The following FOXE1 variants were observed in gnomAD, a reference collection of about 807,000 sequenced individuals.
FOXE1 encodes the protein forkhead box E1.
Under a neutral mutation model 2.1 loss-of-function variants are expected in FOXE1, and 4 were observed. The observed-to-expected ratio is 1.91, with a 90% CI of 0.94 to 4.37. The LOEUF (loss-of-function observed/expected upper bound fraction) is 4.37. Among genes scored for constraint, FOXE1 ranks in the 30% most tolerant of loss-of-function variants. The pLI is 0.01. For synonymous variants in FOXE1, 277 were observed against 272.4 expected (o/e 1.02, Z -0.17); for missense variants, 574 against 583.3 (o/e 0.98, Z 0.16).
At position 97,854,646 on chromosome 9, in the gene FOXE1, C is replaced by T. The variant is rs1397812544; in HGVS notation, c.732C>T (p.Gly244=). Reference sequence around the variant, plus strand: ...TGGGGCCCGCACCGTCGGGGCCCGGCGGCTCTTGCGCCTTTGCCTCCGCCG... The same window carrying T: ...TGGGGCCCGCACCGTCGGGGCCCGGTGGCTCTTGCGCCTTTGCCTCCGCCG... ...PELGPAPSGP[G]GSCAFASAGA... is the part of the protein sequence containing the mutation. The change falls in exon 1 of 1, where the codon GGC becomes GGT. Residue 244 remains glycine, a synonymous_variant. Coordinates refer to ENST00000375123, the MANE Select transcript of FOXE1 (RefSeq NM_004473.4). 43 of 1,395,014 alleles carry T rather than the reference C, an allele frequency of 3.1e-5. 1 individual carries two copies. The South Asian group carries it at 6.5e-4, about 21-fold the overall frequency. 86.4% of individuals were successfully genotyped at this position (1,395,014 alleles called of 1,614,324 possible).
chr9:97,853,943 C>G lies in FOXE1; in HGVS notation c.29C>G (p.Pro10Arg), dbSNP rs1418050237. 7 of 1,300,334 alleles carry G rather than the reference C, an allele frequency of 5.4e-6. No individual in the cohort carries two copies. The highest frequency in any genetic ancestry group is 6.8e-6 in the Non-Finnish European group (7 of 1,029,334). The allele number at this position is 1,300,334 out of a possible 1,614,324, so 80.5% of individuals were successfully genotyped here. MTAESGPPP[P>R]QPEVLATVKE... Reference sequence around the variant, plus strand: ...ACTGCCGAGAGCGGGCCGCCGCCGCCGCAGCCGGAGGTGCTGGCTACCGTG... The same window carrying G: ...ACTGCCGAGAGCGGGCCGCCGCCGCGGCAGCCGGAGGTGCTGGCTACCGTG... Residue 10 changes from proline to arginine, a missense_variant, in exon 1 of 1, where the codon CCG (proline) becomes CGG (arginine). Around this residue, in one of 3 missense-constraint regions of FOXE1, gnomAD observed 249 missense variants for 269.6 expected, o/e 0.92. Transcript: ENST00000375123.
rs777102416 is a variant in FOXE1, at chr9:97,854,958, G to A, written c.1044G>A (p.Gly348=). 1.2e-6 allele frequency: 2 copies of A among 1,603,852 alleles called. No individual in the cohort carries two copies. Among genetic ancestry groups the A allele is most frequent in the Admixed American group, 1.7e-5 (1 of 60,026 alleles). The change falls in exon 1 of 1, where the codon GGG becomes GGA. Residue 348 remains glycine (G), a synonymous_variant. Coordinates refer to ENST00000375123, the MANE Select transcript of FOXE1 (RefSeq NM_004473.4). Reference sequence around the variant, plus strand: ...ACAACCCTGGCGGGCAGCTCGGAGGGGCCAGTGCAGGCGCCTACCATGCTC... The same window carrying A: ...ACAACCCTGGCGGGCAGCTCGGAGGAGCCAGTGCAGGCGCCTACCATGCTC... ...ACYNPGGQLG[G]ASAGAYHARH...
rs377692338 is a variant in FOXE1, at chr9:97,854,795, G to C, written c.881G>C (p.Ser294Thr). 4 of 1,529,290 alleles carry C rather than the reference G, an allele frequency of 2.6e-6. No homozygotes were observed. The highest frequency in any genetic ancestry group is 2.4e-5 in the South Asian group (2 of 83,608). The allele number at this position is 1,529,290 out of a possible 1,614,324, so 94.7% of individuals were successfully genotyped here. ...GGCGCGTACCCGCAGGGCGCCGGCA[G>C]TGCGATCTTTGCCGCTGCTGGCCGC... Reference protein sequence around the residue: ...PDGAYPQGAGSAIFAAAGRLA... With the variant: ...PDGAYPQGAGTAIFAAAGRLA... Residue 294 changes from serine (S) to threonine (T), a missense_variant, in exon 1 of 1, where the codon AGT (serine) becomes ACT (threonine). By Grantham distance (58) the Ser-to-Thr change is moderately conservative (BLOSUM62 1). This residue lies in a region of FOXE1 where 316 missense variants were observed against 288.4 expected (regional missense o/e 1.10). Coordinates refer to ENST00000375123, the MANE Select transcript of FOXE1 (RefSeq NM_004473.4).
In FOXE1 at chr9:97,854,220, C is replaced by A. The variant is rs1475146140; in HGVS notation, c.306C>A (p.Arg102=). ...DNPKKWQNSI[R]HNLTLNDCFL... ...CCAAAAAGTGGCAGAACAGCATCCG[C>A]CACAACCTCACACTCAACGACTGCT... Residue 102 remains arginine, a synonymous_variant, in exon 1 of 1, where the codon CGC becomes CGA. Transcript: ENST00000375123. 1 of 1,613,278 alleles carries A rather than the reference C, an allele frequency of 6.2e-7. No homozygotes were observed. The highest frequency in any genetic ancestry group is 1.7e-5 in the Admixed American group (1 of 59,990).
Position 97,855,129 on chromosome 9 carries a change from G to A in FOXE1, c.*93G>A, listed in dbSNP as rs1830655109. 1.3e-6 allele frequency: 2 copies of A among 1,492,040 alleles called. No homozygotes were observed. The highest frequency in any genetic ancestry group is 2.4e-5 in the South Asian group (2 of 84,100). The allele number at this position is 1,492,040 out of a possible 1,614,324, so 92.4% of individuals were successfully genotyped here. On this transcript the variant is annotated 3_prime_UTR_variant, in exon 1 of 1. Transcript: ENST00000375123. ...ACAGGAATGGAGAGAGGACTCAACT[G>A]GGACCCACGTGGAAAAGACCGAGCA...
In FOXE1 at chr9:97,854,383, T is replaced by A. The variant is rs1449646770; in HGVS notation, c.469T>A (p.Tyr157Asn). ...KRFKRSDLST[Y>N]PAYMHDAAAA... ...CTTCAAGCGCTCGGACCTCTCCACC[T>A]ACCCGGCTTACATGCACGACGCGGC... The change falls in exon 1 of 1, where the codon TAC (tyrosine) becomes AAC (asparagine). Residue 157 changes from tyrosine (Y) to asparagine (N), a missense_variant. Physicochemically the swap from Tyr to Asn is moderately radical, Grantham distance 143 (BLOSUM62 -2). Transcript: ENST00000375123. 1 of 1,463,066 alleles carries A rather than the reference T, an allele frequency of 6.8e-7. No homozygotes were observed. The highest frequency in any genetic ancestry group is 1.3e-5 in the South Asian group (1 of 74,778). 90.6% of individuals were successfully genotyped at this position (1,463,066 alleles called of 1,614,324 possible).
At position 97,854,660 on chromosome 9, in the gene FOXE1, T is replaced by C; in HGVS notation, c.746T>C (p.Phe249Ser). The C allele has an allele frequency of 2.9e-6, 4 of 1,401,916 alleles. No individual in the cohort carries two copies. Among genetic ancestry groups the C allele is most frequent in the Non-Finnish European group, 3.7e-6 (4 of 1,086,944 alleles). The allele number at this position is 1,401,916 out of a possible 1,614,324, so 86.8% of individuals were successfully genotyped here. The change falls in exon 1 of 1, where the codon TTT (phenylalanine) becomes TCT (serine). Residue 249 changes from phenylalanine to serine, a missense_variant. By Grantham distance (155) the Phe-to-Ser change is radical. This residue lies in a region of FOXE1 where 316 missense variants were observed against 288.4 expected (regional missense o/e 1.10). Transcript: ENST00000375123. ...APSGPGGSCA[F>S]ASAGAPATTT... ...TCGGGGCCCGGCGGCTCTTGCGCCT[T>C]TGCCTCCGCCGGCGCCCCCGCTACC...
Position 97,855,391 on chromosome 9 carries a change from C to T in FOXE1, c.*355C>T, listed in dbSNP as rs947441170. The T allele has an allele frequency of 7.5e-6, 3 of 400,126 alleles. No individual in the cohort carries two copies. Among genetic ancestry groups the T allele is most frequent in the African/African-American group, 6.1e-5 (3 of 49,384 alleles). The allele number at this position is 400,126 out of a possible 1,614,324, so 24.8% of individuals were successfully genotyped here. A position where few individuals can be genotyped will look rare whatever the true frequency, so the allele number is the denominator to read the frequency against. On this transcript the variant is annotated 3_prime_UTR_variant, in exon 1 of 1. Coordinates refer to ENST00000375123, the MANE Select transcript of FOXE1 (RefSeq NM_004473.4). ...GATCCAAATTGTGGGGAATCAGTTT[C>T]AGCCTTCCATGTGCTGCCGGAACTC...
At position 97,854,297 on chromosome 9, in the gene FOXE1, C is replaced by T; in HGVS notation, c.383C>T (p.Ala128Val). The T allele has an allele frequency of 1.9e-6, 3 of 1,612,128 alleles. No homozygotes were observed. The highest frequency in any genetic ancestry group is 1.1e-5 in the South Asian group (1 of 90,956). The change falls in exon 1 of 1, where the codon GCG becomes GTG. Residue 128 changes from alanine (A) to valine (V), a missense_variant. Around this residue, in one of 3 missense-constraint regions of FOXE1, gnomAD observed 249 missense variants for 269.6 expected, o/e 0.92. Transcript: ENST00000375123. ...CGCCCGGGTAAGGGCAACTACTGGGCGCTTGACCCCAACGCGGAGGACATG... is the reference window on the plus strand; with the variant it reads ...CGCCCGGGTAAGGGCAACTACTGGGTGCTTGACCCCAACGCGGAGGACATG... ...AGRPGKGNYW[A>V]LDPNAEDMFE... is the part of the protein sequence containing the mutation.
chr9:97,856,463 G>T lies in FOXE1; in HGVS notation c.*1427G>T, dbSNP rs925666927. ...TTTGAGCAAGTGAGTTATGGCAAGA[G>T]AAACTCAGCCTCTTTCTGTATAAAC... On this transcript the variant is annotated 3_prime_UTR_variant, in exon 1 of 1. Coordinates refer to ENST00000375123, the MANE Select transcript of FOXE1 (RefSeq NM_004473.4). 4 of 167,114 alleles carry T rather than the reference G, an allele frequency of 2.4e-5. No individual in the cohort carries two copies. Among genetic ancestry groups the T allele is most frequent in the African/African-American group, 9.6e-5 (4 of 41,468 alleles). 10.4% of individuals were successfully genotyped at this position (167,114 alleles called of 1,614,324 possible).
chr9:97,855,842 G>A lies in FOXE1; in HGVS notation c.*806G>A, dbSNP rs941827449. 1 of 167,086 alleles carries A rather than the reference G, an allele frequency of 6.0e-6. No individual in the cohort carries two copies. The highest frequency in any genetic ancestry group is 1.5e-5 in the Non-Finnish European group (1 of 68,130). 10.4% of individuals were successfully genotyped at this position (167,086 alleles called of 1,614,324 possible). ...CCGCTGTTCTAGGGAACGGAAAAGA[G>A]TTCATGGCCAAGCGTCTAACCTAAA... On this transcript the variant is annotated 3_prime_UTR_variant, in exon 1 of 1. Transcript: ENST00000375123.
At position 97,853,903 on chromosome 9, in the gene FOXE1, G is replaced by C. The variant is rs2131485428; in HGVS notation, c.-12G>C. The C allele has an allele frequency of 7.8e-7, 1 of 1,274,548 alleles. No homozygotes were observed. The highest frequency in any genetic ancestry group is 3.2e-5 in the East Asian group (1 of 31,028). The allele number at this position is 1,274,548 out of a possible 1,614,324, so 79.0% of individuals were successfully genotyped here. The stretch of plus-strand genomic sequence containing the variant: ...GGGGATCCAGAGCCCGGGGGTGCGG[G>C]ACGCCCGCGCCATGACTGCCGAGAG... On this transcript the variant is annotated 5_prime_UTR_variant, in exon 1 of 1. Coordinates refer to ENST00000375123, the MANE Select transcript of FOXE1 (RefSeq NM_004473.4).
rs1301607688 is a variant in FOXE1, at chr9:97,856,582, A to G, written c.*1546A>G. 6.0e-6 allele frequency: 1 copy of G among 167,116 alleles called. No individual in the cohort carries two copies. The highest frequency in any genetic ancestry group is 2.4e-5 in the African/African-American group (1 of 41,470). 10.4% of individuals were successfully genotyped at this position (167,116 alleles called of 1,614,324 possible). A position where few individuals can be genotyped will look rare whatever the true frequency, so the allele number is the denominator to read the frequency against. On this transcript the variant is annotated 3_prime_UTR_variant, in exon 1 of 1. Transcript: ENST00000375123. ...TTTTTGGGACTGCACTATCCTGTTC[A>G]CGAAGACATGTGAACTTGGTTCAGT...
rs1219244450 is a variant in FOXE1, at chr9:97,855,435, C to T, written c.*399C>T. 6.5e-6 allele frequency: 2 copies of T among 308,518 alleles called. No individual in the cohort carries two copies. The highest frequency in any genetic ancestry group is 8.9e-5 in the South Asian group (2 of 22,368). 19.1% of individuals were successfully genotyped at this position (308,518 alleles called of 1,614,324 possible). On this transcript the variant is annotated 3_prime_UTR_variant, in exon 1 of 1. Coordinates refer to ENST00000375123, the MANE Select transcript of FOXE1 (RefSeq NM_004473.4). Reference sequence around the variant, plus strand: ...GGAACTCGGGCCTTTTTACGCGGTTCGTCCTCTAGTGCCTTTAACTGCGTT... The same window carrying T: ...GGAACTCGGGCCTTTTTACGCGGTTTGTCCTCTAGTGCCTTTAACTGCGTT...
rs1490501691 is a variant in FOXE1 at position 97,856,490 on chromosome 9, TAACAG to T, written c.*1455_*1459del. Reference sequence around the variant, plus strand: ...AACTCAGCCTCTTTCTGTATAAACTTAACAGGGAAGGGCTGGGGTGTGAAAAAGAA... The same window carrying T: ...AACTCAGCCTCTTTCTGTATAAACTTGGAAGGGCTGGGGTGTGAAAAAGAA... On this transcript the variant is annotated 3_prime_UTR_variant, in exon 1 of 1. Coordinates refer to ENST00000375123, the MANE Select transcript of FOXE1 (RefSeq NM_004473.4). 6.0e-6 allele frequency: 1 copy of T among 167,082 alleles called. No homozygotes were observed. The highest frequency in any genetic ancestry group is 1.5e-5 in the Non-Finnish European group (1 of 68,118). The allele number at this position is 167,082 out of a possible 1,614,324, so 10.3% of individuals were successfully genotyped here.
Position 97,853,757 on chromosome 9 carries a change from C to A in FOXE1, c.-158C>A. 1.8e-6 allele frequency: 1 copy of A among 553,578 alleles called. No individual in the cohort carries two copies. The highest frequency in any genetic ancestry group is 2.7e-6 in the Non-Finnish European group (1 of 376,044). The allele number at this position is 553,578 out of a possible 1,614,324, so 34.3% of individuals were successfully genotyped here. A position where few individuals can be genotyped will look rare whatever the true frequency, so the allele number is the denominator to read the frequency against. On this transcript the variant is annotated 5_prime_UTR_variant, in exon 1 of 1. Coordinates refer to ENST00000375123, the MANE Select transcript of FOXE1 (RefSeq NM_004473.4). ...GACCACGGACGCTGAGCCTCCAGCG[C>A]GTGCCAGCCTGGGCCGCTGGGCTCT...
Position 97,855,020 on chromosome 9 carries a change from T to C in FOXE1, c.1106T>C (p.Phe369Ser), listed in dbSNP as rs1451910373. The C allele has an allele frequency of 1.2e-6, 2 of 1,611,346 alleles. No homozygotes were observed. Among genetic ancestry groups the C allele is most frequent in the Admixed American group, 1.7e-5 (1 of 60,002 alleles). Residue 369 changes from phenylalanine (F) to serine (S), a missense_variant, in exon 1 of 1, where the codon TTC becomes TCC. Phe to Ser is a radical substitution (Grantham distance 155). This residue lies in a region of FOXE1 where 316 missense variants were observed against 288.4 expected (regional missense o/e 1.10). Coordinates refer to ENST00000375123, the MANE Select transcript of FOXE1 (RefSeq NM_004473.4). ...GCTTATCCCGGTGGGATAGATCGGT[T>C]CGTGTCCGCCATGTGAGCCAGCGTA... Reference protein sequence around the residue: ...AAAYPGGIDRFVSAM With the variant: ...AAAYPGGIDRSVSAM
In FOXE1 at chr9:97,854,118, C is replaced by A. The variant is rs1416452979; in HGVS notation, c.204C>A (p.His68Gln). ...CGCTCATCGCCATGGCCATCGCGCA[C>A]GCGCCCGAGCGCCGCCTCACGCTGG... ...YIALIAMAIA[H>Q]APERRLTLGG... The change falls in exon 1 of 1, where the codon CAC becomes CAA. Residue 68 changes from histidine to glutamine, a missense_variant. This residue lies in a region of FOXE1 where 249 missense variants were observed against 269.6 expected (regional missense o/e 0.92). Coordinates refer to ENST00000375123, the MANE Select transcript of FOXE1 (RefSeq NM_004473.4). 1.9e-6 allele frequency: 3 copies of A among 1,611,708 alleles called. No individual in the cohort carries two copies. The highest frequency in any genetic ancestry group is 1.3e-5 in the African/African-American group (1 of 74,990).
rs762571620 is a variant in FOXE1 at position 97,854,412 on chromosome 9, TGCCGCAGCCGCC to T, written c.504_515del (p.Ala176_Ala179del). 8,089 of 1,192,314 alleles carry T rather than the reference TGCCGCAGCCGCC, an allele frequency of 6.8e-3. 55 individuals are homozygous for T. The highest frequency in any genetic ancestry group is 0.021 in the Admixed American group (411 of 19,782). The allele number at this position is 1,192,314 out of a possible 1,614,324, so 73.9% of individuals were successfully genotyped here. ...CGGCTTACATGCACGACGCGGCGGC[TGCCGCAGCCGCC>T]GCCGCCGCCGCCGCCGCCGCCGCCG... is the stretch of plus-strand genomic sequence containing the variant. On this transcript the variant is annotated inframe_deletion, in exon 1 of 1. Transcript: ENST00000375123.
Sources: allele counts gnomAD v4.1 joint callset, GRCh38; gene constraint gnomAD v4.1.1; regional missense constraint gnomAD v4.1.1; transcripts MANE v1.5; gene names NCBI Gene and HGNC (gene_info 2026-07-23, HGNC 2026-07-21).